Variants in MYO6 observed in about 807,000 individuals in gnomAD.
MYO6 encodes the protein myosin VI.
A neutral mutation model predicts 178.7 loss-of-function variants in MYO6; 74 were observed. The observed-to-expected ratio is 0.41, with a 90% confidence interval of 0.34 to 0.50. MYO6 has a LOEUF of 0.50. MYO6 is among the 20% of genes least tolerant of loss of function. The pLI is 0.09. For missense variants in MYO6, 1,330 were observed against 1,547.4 expected, an observed-to-expected ratio of 0.86 and a Z score of 2.36; for synonymous variants, 477 against 504.6, an observed-to-expected ratio of 0.95 and a Z score of 0.73.
chr6:75,775,196 A>C (rs1439105453), intron 1 of MYO6, among the ~76,000 whole-genome samples: 2 of 152,184 alleles, frequency 1.3e-5, no homozygotes, highest in African/African-American at 2.4e-5. Flanking sequence ...TAGTACAGTG[A>C]GTTCTCTCCA....
In MYO6 at chr6:75,848,398, T is replaced by C. The variant is rs1385381742; in HGVS notation, c.945T>C (p.Gly315=). The change falls in exon 11 of 35, where the codon GGT becomes GGC. Residue 315 remains glycine (G), a synonymous_variant. Coordinates refer to ENST00000369977, the MANE Select transcript of MYO6 (RefSeq NM_004999.4). ...SMKDPLLDDH[G]DFIRMCTAMK... ...AAGATCCTCTGCTAGATGACCATGGTGATTTTATTAGAATGTGCACGGCTA... is the reference window on the plus strand; with the variant it reads ...AAGATCCTCTGCTAGATGACCATGGCGATTTTATTAGAATGTGCACGGCTA... 6.2e-7 allele frequency: 1 copy of C among 1,613,876 alleles called. No homozygotes were observed. The highest frequency in any genetic ancestry group is 1.3e-5 in the African/African-American group (1 of 75,022).
intron 1 of MYO6, among the ~76,000 whole-genome samples, chr6:75,762,754 A>C (rs1434126655): frequency 2.6e-5 from 4 of 152,244 alleles, no homozygotes; most frequent in Non-Finnish European, 5.9e-5. Flanking sequence ...CATTGTCTGC[A>C]GCTCTTGTCT....
chr6:75,762,919 A>G (rs1778077353), intron 1 of MYO6, among the ~76,000 whole-genome samples: 1 of 151,896 alleles, frequency 6.6e-6, no homozygotes, highest in Non-Finnish European at 1.5e-5. Flanking sequence ...TAGGGGTCTT[A>G]CTGTGTTGCC....
intron 14 of MYO6, among the ~76,000 whole-genome samples, chr6:75,859,880 G>C (rs1257141356): frequency 1.3e-5 from 2 of 151,918 alleles, no homozygotes; most frequent in African/African-American, 4.8e-5. Context: ...GGCTGGTCTT[G>C]AACTTCTGAC....
intron 9 of MYO6, 52 bp from the exon 10 acceptor site, chr6:75,844,845 T>A (rs750875942): frequency 2.1e-5 from 30 of 1,433,654 alleles, no homozygotes; most frequent in Non-Finnish European, 2.8e-5. Context: ...TCTCCTGTAT[T>A]ATTTCCCTGT....
chr6:75,828,268 T>A (rs909662538), intron 3 of MYO6, among the ~76,000 whole-genome samples: 1 of 152,206 alleles, frequency 6.6e-6, no homozygotes, highest in Non-Finnish European at 1.5e-5. Flanking sequence ...TTGTGCTTTT[T>A]AATCAACCTT....
At chr6:75,914,334 TC>T in intron 34 of MYO6, 53 bp downstream of exon 34, 1 of 1,514,528 alleles carries the variant, frequency 6.6e-7, no homozygotes, top group Non-Finnish European at 9.2e-7. Context: ...GATCATAAAC[TC>T]TCTGAATGAA....
chr6:75,788,879 A>G (rs1435778866), intron 1 of MYO6, among the ~76,000 whole-genome samples: 1 of 152,232 alleles, frequency 6.6e-6, no homozygotes, highest in African/African-American at 2.4e-5. Context: ...GAATTAAGGA[A>G]TTAAGGTGGA....
chr6:75,875,771 C>G (rs1017132275), intron 20 of MYO6, among the ~76,000 whole-genome samples: 2 of 152,174 alleles, frequency 1.3e-5, no homozygotes, highest in Non-Finnish European at 2.9e-5. Context: ...CAAGCTGTCA[C>G]CATCTCTTAC....
chr6:75,851,023 TC>T (rs1775217806), intron 11 of MYO6, among the ~76,000 whole-genome samples: 1 of 152,230 alleles, frequency 6.6e-6, no homozygotes, highest in Admixed American at 6.5e-5. Flanking sequence ...TCATTTGCTC[TC>T]TAGCATTGTT....
intron 28 of MYO6, chr6:75,894,838 T>C: frequency 6.6e-7 from 1 of 1,516,566 alleles, no homozygotes; most frequent in Admixed American, 2.1e-5. Flanking sequence ...CGGTAACTTC[T>C]AAGTAAGAAT....
At chr6:75,864,346 A>G (rs1776467128) in intron 16 of MYO6, among the ~76,000 whole-genome samples, 1 of 152,128 alleles carries the variant, frequency 6.6e-6, no homozygotes. Context: ...GTTAACCTTC[A>G]CTAGGGACTA....
chr6:75,767,701 A>G (rs1366202101), intron 1 of MYO6, among the ~76,000 whole-genome samples: 3 of 151,562 alleles, frequency 2.0e-5, no homozygotes, highest in Non-Finnish European at 4.4e-5. Flanking sequence ...GTATTTTTGT[A>G]GTCAGGCTTT....
chr6:75,829,252 A>G (rs1197803092), intron 4 of MYO6, among the ~76,000 whole-genome samples: 1 of 152,168 alleles, frequency 6.6e-6, no homozygotes, highest in Non-Finnish European at 1.5e-5. Flanking sequence ...TCAGATGGAT[A>G]CTTAACCTAG....
chr6:75,780,066 A>T (rs1439993932), intron 1 of MYO6, among the ~76,000 whole-genome samples: 1 of 152,144 alleles, frequency 6.6e-6, no homozygotes, highest in East Asian at 1.9e-4. Context: ...CTTGTTGCAA[A>T]ATAATTGGGT....
chr6:75,894,838 TA>T, intron 28 of MYO6: 1 of 1,516,562 alleles, frequency 6.6e-7, no homozygotes, highest in Non-Finnish European at 8.9e-7. Context: ...CGGTAACTTC[TA>T]AGTAAGAATT....
chr6:75,873,845 C>T (rs1410374806), intron 20 of MYO6, among the ~76,000 whole-genome samples: 1 of 152,156 alleles, frequency 6.6e-6, no homozygotes, highest in Non-Finnish European at 1.5e-5. Flanking sequence ...TGTGACACTT[C>T]ATCCATTTGC....
At position 75,895,428 on chromosome 6, in the gene MYO6, A is replaced by C. The variant is rs115716828; in HGVS notation, c.3137+168A>C. Among the ~76,000 whole-genome samples the C allele has an allele frequency of 0.017, 2,512 of 152,204 alleles. 74 individuals are homozygous for C. Among genetic ancestry groups the C allele is most frequent in the African/African-American group, 0.058 (2,400 of 41,546 alleles). ...AGTTTAATGCTCTTGTATGGTGCTC[A>C]ATCACAGTAGCTCATGATTTGGTTT... On this transcript the variant is annotated intron_variant, in intron 29 of 34. Coordinates refer to ENST00000369977, the MANE Select transcript of MYO6 (RefSeq NM_004999.4).
chr6:75,889,618 G>T (rs1024317479), intron 25 of MYO6, among the ~76,000 whole-genome samples: 1 of 152,078 alleles, frequency 6.6e-6, no homozygotes, highest in African/African-American at 2.4e-5. Flanking sequence ...TCACTATGTT[G>T]GCCAGGCTGG....
Sources: gnomAD v4.1 joint callset for allele counts (sites outside exome capture counted in the v4.1 genomes callset) on GRCh38, gnomAD v4.1.1 for gene constraint, MANE v1.5 for transcripts, NCBI Gene and HGNC (gene_info 2026-07-23, HGNC 2026-07-21) for gene names.